The following CLASP2 variants were observed in gnomAD, a reference collection of about 807,000 sequenced individuals.
CLASP2 encodes cytoplasmic linker associated protein 2, also known as CLIP-associating protein 2.
A neutral mutation model predicts 194.4 loss-of-function variants in CLASP2; 47 were observed. That is an observed-to-expected ratio of 0.24 (90% CI 0.19 to 0.31). The LOEUF is 0.31. CLASP2 is among the 10% of genes least tolerant of loss of function. The pLI is 1.00. For missense variants in CLASP2, 1,445 were observed against 1,823.6 expected, an observed-to-expected ratio of 0.79 and a Z score of 3.78; for synonymous variants, 619 against 633.5, an observed-to-expected ratio of 0.98 and a Z score of 0.34.
intron 22 of CLASP2, 148 bp downstream of exon 22, chr3:33,584,601 TA>T: frequency 1.3e-6 from 1 of 748,256 alleles, no homozygotes; most frequent in Non-Finnish European, 2.0e-6. Flanking sequence ...ATTCAACTCA[TA>T]AACTATTCTT....
chr3:33,522,175 T>A (rs2053308820), intron 34 of CLASP2, among the ~76,000 whole-genome samples: 1 of 152,162 alleles, frequency 6.6e-6, no homozygotes, highest in African/African-American at 2.4e-5. Context: ...TTCCAGGGGC[T>A]TAAAGGTCCT....
intron 8 of CLASP2, among the ~76,000 whole-genome samples, chr3:33,632,668 T>C (rs2079315019): frequency 6.6e-6 from 1 of 151,904 alleles, no homozygotes; most frequent in Non-Finnish European, 1.5e-5. Context: ...TAAACATAAG[T>C]AAGGACAAAC....
chr3:33,620,503 T>G (rs529247749), intron 11 of CLASP2, among the ~76,000 whole-genome samples: 7 of 152,320 alleles, frequency 4.6e-5, no homozygotes, highest in African/African-American at 9.6e-5. Context: ...TTCAGGTTCT[T>G]GATTCAAAGA....
chr3:33,568,553 C>CAAAAAAAAAAAA (rs568821764), intron 26 of CLASP2, among the ~76,000 whole-genome samples: 1,900 of 56,516 alleles, frequency 0.034, 80 homozygotes, highest in East Asian at 0.053. Context: ...GATCTTGTCT[C>CAAAAAAAAAAAA]AAAAAAAAAA....
At position 33,663,535 on chromosome 3, in the gene CLASP2, T is replaced by C; in HGVS notation, c.645-20A>G. On this transcript the variant is annotated intron_variant, in intron 6 of 38. Coordinates refer to ENST00000682230, the MANE Select transcript of CLASP2 (RefSeq NM_001365631.1). ...TCTAATCTGGGAATAAAGAATAAATTGGGTTTGTTTGATTTTTTAAAACAT... is the reference window on the plus strand; with the variant it reads ...TCTAATCTGGGAATAAAGAATAAATCGGGTTTGTTTGATTTTTTAAAACAT... The C allele has an allele frequency of 1.3e-6, 2 of 1,547,164 alleles. No homozygotes were observed.
chr3:33,580,564 AAACAACAAC>A (rs540416059), intron 23 of CLASP2, among the ~76,000 whole-genome samples: 3 of 151,864 alleles, frequency 2.0e-5, no homozygotes, highest in African/African-American at 7.3e-5. Context: ...CTCCACCTCA[AAACAACAAC>A]AACAACAACA....
At chr3:33,690,034 G>A (rs2091170155) in intron 2 of CLASP2, 102 bp from the exon 3 acceptor site, 1 of 662,040 alleles carries the variant, frequency 1.5e-6, no homozygotes. Flanking sequence ...CATAAATGAA[G>A]AGTTGTGAGG....
intron 4 of CLASP2, among the ~76,000 whole-genome samples, chr3:33,687,531 A>C (rs2090834453): frequency 6.6e-6 from 1 of 152,242 alleles, no homozygotes; most frequent in African/African-American, 2.4e-5. Flanking sequence ...AGTAAATTAA[A>C]AGATCTTTAT....
chr3:33,572,840 C>T (rs1473204968), intron 25 of CLASP2, among the ~76,000 whole-genome samples: 3 of 150,586 alleles, frequency 2.0e-5, no homozygotes, highest in African/African-American at 7.3e-5. Context: ...AAATTAATAA[C>T]ATTTTAAATT....
chr3:33,674,131 A>G (rs1201092937), intron 6 of CLASP2, among the ~76,000 whole-genome samples: 1 of 152,232 alleles, frequency 6.6e-6, no homozygotes, highest in Non-Finnish European at 1.5e-5. Flanking sequence ...CCAAATCAAC[A>G]GAATATACAT....
At chr3:33,528,152 A>T (rs1032343507) in intron 34 of CLASP2, among the ~76,000 whole-genome samples, 3 of 152,298 alleles carry the variant, frequency 2.0e-5, no homozygotes, top group South Asian at 2.1e-4. Context: ...CAAATCAATG[A>T]ATGTGATTCA....
At chr3:33,537,398 G>C (rs1295004433) in intron 33 of CLASP2, among the ~76,000 whole-genome samples, 1 of 152,196 alleles carries the variant, frequency 6.6e-6, no homozygotes, top group Non-Finnish European at 1.5e-5. Flanking sequence ...GAAGGCAGAG[G>C]AAGGAGCCCT....
chr3:33,633,126 G>A (rs1294389353), intron 8 of CLASP2, among the ~76,000 whole-genome samples: 1 of 152,106 alleles, frequency 6.6e-6, no homozygotes, highest in Non-Finnish European at 1.5e-5. Context: ...ACTCATTCCA[G>A]GAGCAGCACC....
At chr3:33,619,167 G>C (rs890779458) in intron 12 of CLASP2, among the ~76,000 whole-genome samples, 1 of 152,088 alleles carries the variant, frequency 6.6e-6, no homozygotes, top group African/African-American at 2.4e-5. Context: ...AGTAGTAAAG[G>C]TACAGTAAAA....
At chr3:33,653,029 C>A (rs1390598513) in intron 7 of CLASP2, among the ~76,000 whole-genome samples, 1 of 152,198 alleles carries the variant, frequency 6.6e-6, no homozygotes, top group East Asian at 1.9e-4. Context: ...TCTTTCCAAA[C>A]CACAAAGTAG....
chr3:33,711,560 C>T (rs1348039759), intron 1 of CLASP2, among the ~76,000 whole-genome samples: 1 of 150,882 alleles, frequency 6.6e-6, no homozygotes, highest in Non-Finnish European at 1.5e-5. Flanking sequence ...ATGCTCAGCG[C>T]AGTATAGCAT....
At chr3:33,543,021 A>C (rs1465114922) in intron 32 of CLASP2, among the ~76,000 whole-genome samples, 1 of 152,148 alleles carries the variant, frequency 6.6e-6, no homozygotes, top group Non-Finnish European at 1.5e-5. Flanking sequence ...TACTTTTCTA[A>C]GACCTTTCAA....
chr3:33,611,817 T>C (rs1047769438), intron 13 of CLASP2, among the ~76,000 whole-genome samples, 184 bp downstream of exon 13: 1 of 151,984 alleles, frequency 6.6e-6, no homozygotes, highest in Non-Finnish European at 1.5e-5. Flanking sequence ...AAGTGGGTGG[T>C]CATAATAATC....
chr3:33,550,882 C>T (rs73053680), intron 30 of CLASP2, among the ~76,000 whole-genome samples: 319 of 152,176 alleles, frequency 2.1e-3, no homozygotes, highest in Non-Finnish European at 3.7e-3. Flanking sequence ...ACAAAATAGA[C>T]GGATATACCT....
Sources: allele counts gnomAD v4.1 joint callset (sites outside exome capture counted in the v4.1 genomes callset), GRCh38; gene constraint gnomAD v4.1.1; transcripts MANE v1.5; gene names NCBI Gene and HGNC (gene_info 2026-07-23, HGNC 2026-07-21).